SIRT4: variants seen among roughly 807,000 people sequenced by gnomAD.
SIRT4 encodes the protein NAD-dependent protein lipoamidase sirtuin-4, mitochondrial.
A neutral mutation model predicts 26.1 loss-of-function variants in SIRT4; 23 were observed. The observed-to-expected ratio is 0.88, with a 90% CI of 0.63 to 1.25. The LOEUF (loss-of-function observed/expected upper bound fraction) is 1.25. SIRT4 is among the 50% of genes most tolerant of loss of function. The pLI is 0.00. For missense variants in SIRT4, 361 were observed against 405.4 expected (o/e 0.89, Z 0.94); for synonymous variants, 155 against 158.4 (o/e 0.98, Z 0.16).
At chr12:120,293,290 C>G in the SIRT4 span, 2 of 152,182 alleles carry the variant, frequency 1.3e-5, no homozygotes, top group African/African-American at 4.8e-5. Context: ...TCCTATTTCG[C>G]AAAGGTGAGT....
chr12:120,304,940 G>C (rs1872696800), intron 2 of SIRT4, among the ~76,000 whole-genome samples: 1 of 150,182 alleles, frequency 6.7e-6, no homozygotes, highest in South Asian at 2.1e-4. Flanking sequence ...GATTACCTGA[G>C]GTCAGGAGTT....
chr12:120,296,952 C>A, the SIRT4 span, among the ~76,000 whole-genome samples: 1 of 151,640 alleles, frequency 6.6e-6, no homozygotes, highest in African/African-American at 2.4e-5. Flanking sequence ...AGGCCAGGCA[C>A]GGTGGCTCAC....
intron 2 of SIRT4, among the ~76,000 whole-genome samples, chr12:120,308,057 G>T (rs954944611): frequency 7.9e-5 from 12 of 151,330 alleles, no homozygotes; most frequent in African/African-American, 2.9e-4. Context: ...GGATCTTGCT[G>T]TGTTGCCTAG....
At chr12:120,297,233 A>AATACATAC in the SIRT4 span, among the ~76,000 whole-genome samples, 375 of 134,408 alleles carry the variant, frequency 2.8e-3, no homozygotes, top group Middle Eastern at 0.037. Flanking sequence ...AAAATAAATA[A>AATACATAC]ATACATACAT....
chr12:120,296,105 A>AG, the SIRT4 span, among the ~76,000 whole-genome samples: 1 of 150,986 alleles, frequency 6.6e-6, no homozygotes. Flanking sequence ...AAAAAAAAAA[A>AG]AAAAAAAAGA....
chr12:120,298,196 CAAAAAAAAAA>C (rs56752571), upstream of SIRT4, among the ~76,000 whole-genome samples: 4 of 21,060 alleles, frequency 1.9e-4, no homozygotes, highest in Admixed American at 1.8e-3. Context: ...AACTCCATCT[CAAAAAAAAAA>C]AAAAAAAAAA....
At chr12:120,310,322 C>T (rs185097993) in intron 2 of SIRT4, among the ~76,000 whole-genome samples, 401 of 151,986 alleles carry the variant, frequency 2.6e-3, no homozygotes, top group South Asian at 0.011. Context: ...GCCGAGATCG[C>T]GCCATTGCAC....
intron 2 of SIRT4, 82 bp downstream of exon 2, chr12:120,304,140 A>C: frequency 1.3e-6 from 2 of 1,500,912 alleles, no homozygotes; most frequent in Non-Finnish European, 1.8e-6. Flanking sequence ...TGATCACCAC[A>C]GTCTTAGACC....
chr12:120,306,539 T>G (rs1872753298), intron 2 of SIRT4, among the ~76,000 whole-genome samples: 1 of 147,960 alleles, frequency 6.8e-6, no homozygotes, highest in South Asian at 2.2e-4. Context: ...CGGTGGCTCA[T>G]GCTTGTAATC....
intron 2 of SIRT4, among the ~76,000 whole-genome samples, chr12:120,304,826 TA>T (rs1566463441): frequency 5.5e-4 from 19 of 34,504 alleles, no homozygotes; most frequent in African/African-American, 1.3e-3. Context: ...TATATATATA[TA>T]TATATATATT....
At chr12:120,297,914 C>T (rs1056491790), upstream of SIRT4, among the ~76,000 whole-genome samples, 3 of 151,828 alleles carry the variant, frequency 2.0e-5, no homozygotes, top group Non-Finnish European at 1.5e-5. Context: ...TTTTTGACAA[C>T]GAAAATTTCA....
At chr12:120,293,062 A>T in the SIRT4 span, 1 of 132,606 alleles carries the variant, frequency 7.5e-6, no homozygotes, top group South Asian at 2.9e-4. Flanking sequence ...CACACACAAA[A>T]AAAGCCTCTG....
intron 1 of SIRT4, among the ~76,000 whole-genome samples, chr12:120,303,313 C>T (rs1872611725): frequency 6.6e-6 from 1 of 151,470 alleles, no homozygotes; most frequent in African/African-American, 2.4e-5. Flanking sequence ...AACCCTGCCT[C>T]TACTAAAAAT....
the SIRT4 span, among the ~76,000 whole-genome samples, chr12:120,297,220 C>A: frequency 6.9e-6 from 1 of 144,276 alleles, no homozygotes; most frequent in African/African-American, 2.6e-5. Context: ...GAGACTCCGT[C>A]TCAAAATAAA....
chr12:120,291,854 C>G, the SIRT4 span: 1 of 152,108 alleles, frequency 6.6e-6, no homozygotes, highest in South Asian at 2.1e-4. Context: ...TAGCAATAAT[C>G]GCGCCTCGGA....
At chr12:120,293,811 AC>A in the SIRT4 span, among the ~76,000 whole-genome samples, 2 of 149,768 alleles carry the variant, frequency 1.3e-5, no homozygotes, top group African/African-American at 4.9e-5. Context: ...CCCCGTGGCA[AC>A]CTCTTTTCTA....
the SIRT4 span, chr12:120,291,980 GTCCGTGTATACGACGTGT>G: frequency 6.6e-6 from 1 of 152,154 alleles, no homozygotes; most frequent in East Asian, 1.9e-4. Flanking sequence ...CTGCCCGTGT[GTCCGTGTATACGACGTGT>G]TCCCACTCCA....
intron 2 of SIRT4, among the ~76,000 whole-genome samples, chr12:120,307,588 G>A (rs190010087): frequency 6.6e-6 from 1 of 152,186 alleles, no homozygotes; most frequent in East Asian, 1.9e-4. Flanking sequence ...GGCCGGGCAC[G>A]GTGGCTCACG....
At position 120,312,740 on chromosome 12, in the gene SIRT4, C is replaced by G. The variant is rs2136846075; in HGVS notation, c.782C>G (p.Ser261Ter). Residue 261 changes from serine (S) to a stop codon, truncating the protein, a stop_gained, in exon 3 of 4, where the codon TCA becomes TGA. Coordinates refer to ENST00000202967, the MANE Select transcript of SIRT4 (RefSeq NM_012240.3). LOFTEE classifies it high-confidence loss of function. ...KEADSLLVVG[S>*]SLQVYSGYRF... ...GCCGACTCCCTCTTGGTGGTGGGATCATCCTTGCAGGTATCTGACTTGGCA... is the reference window on the plus strand; with the variant it reads ...GCCGACTCCCTCTTGGTGGTGGGATGATCCTTGCAGGTATCTGACTTGGCA... The G allele has an allele frequency of 6.2e-7, 1 of 1,613,060 alleles. No individual in the cohort carries two copies. The highest frequency in any genetic ancestry group is 2.2e-5 in the East Asian group (1 of 44,892).
Sources: gnomAD v4.1 joint callset for allele counts (sites outside exome capture counted in the v4.1 genomes callset) on GRCh38, gnomAD v4.1.1 for gene constraint, MANE v1.5 for transcripts, NCBI Gene and HGNC (gene_info 2026-07-23, HGNC 2026-07-21) for gene names.